KHSRP: variants seen among roughly 807,000 people sequenced by gnomAD.
KHSRP encodes the protein far upstream element-binding protein 2.
In KHSRP, 13 loss-of-function variants were observed where a neutral mutation model predicts 94.9. The ratio of observed to expected loss-of-function variants is 0.14; its 90% CI spans 0.09 to 0.22. KHSRP has a LOEUF of 0.22. KHSRP is among the 10% of genes least tolerant of loss of function. The pLI, the probability that KHSRP is intolerant of heterozygous loss-of-function variation, is 1.00. For missense variants in KHSRP, 710 were observed against 1,010.0 expected, an observed-to-expected ratio of 0.70 and a Z score of 4.03; for synonymous variants, 495 against 401.4, an observed-to-expected ratio of 1.23 and a Z score of -2.79.
At chr19:6,424,377 C>T in intron 1 of KHSRP, 76 bp downstream of exon 1, 1 of 771,546 alleles carries the variant, frequency 1.3e-6, no homozygotes, top group Non-Finnish European at 1.6e-6. Context: ...TGCGCGCGCG[C>T]GCGCACGTGA....
chr19:6,414,952 C>A lies in KHSRP; in HGVS notation c.*72G>T. The A allele has an allele frequency of 1.4e-6, 2 of 1,433,014 alleles. No homozygotes were observed. Among genetic ancestry groups the A allele is most frequent in the South Asian group, 1.5e-5 (1 of 66,650 alleles). The allele number at this position is 1,433,014 out of a possible 1,614,324, so 88.8% of individuals were successfully genotyped here. On this transcript the variant is annotated 3_prime_UTR_variant, in exon 19 of 19. Coordinates refer to ENST00000600480, the MANE Select transcript of KHSRP (RefSeq NM_001366299.1). ...AGGCCTCTTCGTTTAACCTCTGGAC[C>A]CAGCGAATGCTTCCCTGGCGGTGCG...
At position 6,415,892 on chromosome 19, in the gene KHSRP, C is replaced by G. The variant is rs775434772; in HGVS notation, c.1603G>C (p.Gly535Arg). The change falls in exon 16 of 19, where the codon GGG becomes CGG. Residue 535 changes from glycine (G) to arginine (R), a missense_variant. Physicochemically the swap from Gly to Arg is moderately radical, Grantham distance 125. Coordinates refer to ENST00000600480, the MANE Select transcript of KHSRP (RefSeq NM_001366299.1). ...GGGTACTGGTGAGGAGGGGGCCCCC[C>G]GGCACTGCAGGAGAGAAGAAAGGGA... Reference protein sequence around the residue: ...QGPPGAPPHAGGPPPHQYPPQ... With the variant: ...QGPPGAPPHARGPPPHQYPPQ... 6 of 1,516,254 alleles carry G rather than the reference C, an allele frequency of 4.0e-6. No individual in the cohort carries two copies. Among genetic ancestry groups the G allele is most frequent in the East Asian group, 2.3e-5 (1 of 42,898 alleles). 93.9% of individuals were successfully genotyped at this position (1,516,254 alleles called of 1,614,324 possible). A position where few individuals can be genotyped will look rare whatever the true frequency, so the allele number is the denominator to read the frequency against.
In KHSRP at chr19:6,424,713, G is replaced by A; in HGVS notation, c.-12C>T. 3.9e-6 allele frequency: 4 copies of A among 1,035,246 alleles called. No individual in the cohort carries two copies. Among genetic ancestry groups the A allele is most frequent in the Non-Finnish European group, 4.6e-6 (4 of 860,856 alleles). The allele number at this position is 1,035,246 out of a possible 1,614,324, so 64.1% of individuals were successfully genotyped here. A position where few individuals can be genotyped will look rare whatever the true frequency, so the allele number is the denominator to read the frequency against. On this transcript the variant is annotated 5_prime_UTR_variant, in exon 1 of 19. Transcript: ENST00000600480. ...CTGTAGTCCGACATGGCGCGGCGGG[G>A]CCGGGCCTGGCGCGGAGGCTGAAGC...
intron 2 of KHSRP, 123 bp from the exon 3 acceptor site, chr19:6,421,811 A>G: frequency 4.4e-6 from 5 of 1,140,898 alleles, no homozygotes; most frequent in Non-Finnish European, 6.5e-6. Context: ...ACAGGAGCTG[A>G]GACAGGAGCC....
At chr19:6,420,524 G>C (rs1366848060) in intron 4 of KHSRP, 53 bp from the exon 5 acceptor site, 13 of 1,557,968 alleles carry the variant, frequency 8.3e-6, no homozygotes, top group Non-Finnish European at 9.7e-6. Flanking sequence ...GAGGAGGACA[G>C]CAGCTCTGGA....
At position 6,421,193 on chromosome 19, in the gene KHSRP, C is replaced by A; in HGVS notation, c.425+85G>T. ...GGGATAAAACCTGAGAGATGTGCCC[C>A]CAGTCAGAGCCCTCCCAAGTCAGCA... is the stretch of plus-strand genomic sequence containing the variant. On this transcript the variant is annotated intron_variant, in intron 4 of 18. Coordinates refer to ENST00000600480, the MANE Select transcript of KHSRP (RefSeq NM_001366299.1). 2.3e-6 allele frequency: 3 copies of A among 1,277,742 alleles called. No homozygotes were observed. The South Asian group carries it at 3.9e-5, about 17-fold the overall frequency. 79.2% of individuals were successfully genotyped at this position (1,277,742 alleles called of 1,614,324 possible).
rs1217745497 is a variant in KHSRP, at chr19:6,418,910, C to T, written c.606-34G>A. The T allele has an allele frequency of 1.3e-6, 2 of 1,513,500 alleles. No homozygotes were observed. Among genetic ancestry groups the T allele is most frequent in the Admixed American group, 2.3e-5 (1 of 43,016 alleles). 93.8% of individuals were successfully genotyped at this position (1,513,500 alleles called of 1,614,324 possible). A position where few individuals can be genotyped will look rare whatever the true frequency, so the allele number is the denominator to read the frequency against. Reference sequence around the variant, plus strand: ...GGGAGGAGCGGGGGATGAGCGGGTGCCACCGCTGGAGAAAGGTACTGGTCT... The same window carrying T: ...GGGAGGAGCGGGGGATGAGCGGGTGTCACCGCTGGAGAAAGGTACTGGTCT... On this transcript the variant is annotated intron_variant, in intron 7 of 18. Coordinates refer to ENST00000600480, the MANE Select transcript of KHSRP (RefSeq NM_001366299.1). This position sits in a 1 kb window ranked among gnomAD's most constrained non-coding sequence, Gnocchi z 4.3.
In KHSRP at chr19:6,414,397, G is replaced by C; in HGVS notation, c.*627C>G. 6 of 1,300,320 alleles carry C rather than the reference G, an allele frequency of 4.6e-6. No individual in the cohort carries two copies. Among genetic ancestry groups the C allele is most frequent in the Non-Finnish European group, 5.9e-6 (6 of 1,023,492 alleles). 80.5% of individuals were successfully genotyped at this position (1,300,320 alleles called of 1,614,324 possible). A position where few individuals can be genotyped will look rare whatever the true frequency, so the allele number is the denominator to read the frequency against. On this transcript the variant is annotated 3_prime_UTR_variant, in exon 19 of 19. Transcript: ENST00000600480. ...GGGCGGAGGCGCTAGGGTCGTAGGG[G>C]AGCTGCCCTGTCTCCGGAGGGCGGT...
At chr19:6,421,416 G>A (rs977892614) in intron 3 of KHSRP, 99 bp from the exon 4 acceptor site, 59 of 1,271,884 alleles carry the variant, frequency 4.6e-5, no homozygotes, top group Admixed American at 2.0e-4. Flanking sequence ...CGGCACCACG[G>A]TCCCCAGCCT....
rs2092171450 is a variant in KHSRP at position 6,418,513 on chromosome 19, G to A, written c.849C>T (p.Leu283=). 4 of 1,613,808 alleles carry A rather than the reference G, an allele frequency of 2.5e-6. No individual in the cohort carries two copies. The African/African-American group carries it at 4.0e-5, about 16-fold the overall frequency. The stretch of plus-strand genomic sequence containing the variant: ...CTTTGTAAGGATCCCCAATGATGCG[G>A]AGAGGTTTGTCCACATTCGTATTCT... ...GSQNTNVDKP[L]RIIGDPYKVQ... Residue 283 remains leucine, a synonymous_variant, in exon 9 of 19, where the codon CTC becomes CTT. Coordinates refer to ENST00000600480, the MANE Select transcript of KHSRP (RefSeq NM_001366299.1). The surrounding 1 kb of genome is among the most constrained non-coding windows in gnomAD (Gnocchi z 4.3).
intron 6 of KHSRP, 97 bp from the exon 7 acceptor site, chr19:6,419,357 C>T (rs2092180953): frequency 2.7e-6 from 3 of 1,114,654 alleles, no homozygotes; most frequent in East Asian, 5.2e-5. Flanking sequence ...CCAAGGGCCA[C>T]TTCTGTCCCA....
Position 6,424,531 on chromosome 19 carries a change from G to GCCCCCGGCCGAC in KHSRP, c.159_170dup (p.Ser54_Gly57dup). 1 of 979,628 alleles carries GCCCCCGGCCGAC rather than the reference G, an allele frequency of 1.0e-6. No homozygotes were observed. The highest frequency in any genetic ancestry group is 1.2e-6 in the Non-Finnish European group (1 of 826,916). 60.7% of individuals were successfully genotyped at this position (979,628 alleles called of 1,614,324 possible). ...CGCCTCCGCCGGGTGGCTGAGAGGG[G>GCCCCCGGCCGAC]CCCCCGGCCGACCCCCCGCCCGGGC... On this transcript the variant is annotated inframe_insertion, in exon 1 of 19. Coordinates refer to ENST00000600480, the MANE Select transcript of KHSRP (RefSeq NM_001366299.1).
intron 11 of KHSRP, 121 bp from the exon 12 acceptor site, chr19:6,417,208 G>T (rs983609369): frequency 2.7e-6 from 2 of 736,434 alleles, no homozygotes; most frequent in Non-Finnish European, 4.3e-6. Context: ...GCGCTGCGCC[G>T]CTCCCAGCCT....
Position 6,414,447 on chromosome 19 carries a change from T to C in KHSRP, c.*577A>G, listed in dbSNP as rs2092126542. 4 of 1,203,026 alleles carry C rather than the reference T, an allele frequency of 3.3e-6. No individual in the cohort carries two copies. The highest frequency in any genetic ancestry group is 6.6e-4 in the Middle Eastern group (2 of 3,026). 74.5% of individuals were successfully genotyped at this position (1,203,026 alleles called of 1,614,324 possible). ...TGGCTCCCGGCGCAGCACGACGACA[T>C]GAACAATCCAGAGATCATGGTGTCC... is the stretch of plus-strand genomic sequence containing the variant. On this transcript the variant is annotated 3_prime_UTR_variant, in exon 19 of 19. Transcript: ENST00000600480.
chr19:6,424,004 C>T (rs900184752), intron 1 of KHSRP: 3 of 152,352 alleles, frequency 2.0e-5, no homozygotes, highest in Non-Finnish European at 4.4e-5. Context: ...GAAGGACTGT[C>T]CCTCCCACCC....
chr19:6,418,717 G>C lies in KHSRP; in HGVS notation c.765C>G (p.Thr255=). The C allele has an allele frequency of 1.2e-6, 2 of 1,613,840 alleles. No individual in the cohort carries two copies. The highest frequency in any genetic ancestry group is 1.7e-6 in the Non-Finnish European group (2 of 1,179,844). The change falls in exon 8 of 19, where the codon ACC becomes ACG. Residue 255 remains threonine, a synonymous_variant. Transcript: ENST00000600480. This position sits in a 1 kb window ranked among gnomAD's most constrained non-coding sequence, Gnocchi z 4.3. ...CTGCCCTCACCTGCAGCTGCTTAAT[G>C]GTCTCCCCGCCCTTGCCAATGACCA... The part of the protein sequence containing the change: ...AGLVIGKGGE[T]IKQLQERAGV...
rs1348203307 is a variant in KHSRP at position 6,414,062 on chromosome 19, T to C, written c.*962A>G. 16 of 1,562,900 alleles carry C rather than the reference T, an allele frequency of 1.0e-5. No individual in the cohort carries two copies. The highest frequency in any genetic ancestry group is 1.0e-5 in the Non-Finnish European group (12 of 1,155,156). On this transcript the variant is annotated 3_prime_UTR_variant, in exon 19 of 19. Coordinates refer to ENST00000600480, the MANE Select transcript of KHSRP (RefSeq NM_001366299.1). Reference sequence around the variant, plus strand: ...ACAGAAGCCCCCAAACAGAACAAAATGGAAAAAAAAAAGATTTTTCACAGA... The same window carrying C: ...ACAGAAGCCCCCAAACAGAACAAAACGGAAAAAAAAAAGATTTTTCACAGA...
chr19:6,420,373 T>C, intron 5 of KHSRP, 49 bp downstream of exon 5: 1 of 1,583,800 alleles, frequency 6.3e-7, no homozygotes, highest in Non-Finnish European at 8.7e-7. Flanking sequence ...ACAGGACACT[T>C]CCTCCTGGGG....
At chr19:6,417,698 G>A (rs1436756905) in intron 11 of KHSRP, 41 bp downstream of exon 11, 1 of 1,546,454 alleles carries the variant, frequency 6.5e-7, no homozygotes, top group South Asian at 1.1e-5. Flanking sequence ...CAAAGAGGGT[G>A]GGGGTGCACT....
Sources: gnomAD v4.1 joint callset for allele counts on GRCh38, gnomAD v4.1.1 for gene constraint, Gnocchi (gnomAD v3.1) non-coding constraint, MANE v1.5 for transcripts, NCBI Gene and HGNC (gene_info 2026-07-23, HGNC 2026-07-21) for gene names.